TSPAN4: variants seen among roughly 807,000 people sequenced by gnomAD.
TSPAN4 encodes tetraspanin 4.
Under a neutral mutation model 31.5 loss-of-function variants are expected in TSPAN4, and 38 were observed. The ratio of observed to expected loss-of-function variants is 1.21; its 90% CI spans 0.93 to 1.58. The LOEUF is 1.58. Among genes scored for constraint, TSPAN4 ranks in the 40% most tolerant of loss-of-function variants. TSPAN4 has a pLI of 0.00. For missense variants in TSPAN4, 330 were observed against 317.3 expected (o/e 1.04, Z -0.30); for synonymous variants, 186 against 144.6 (o/e 1.29, Z -2.06).
At chr11:845,855 G>A (rs189753007) in intron 1 of TSPAN4, among the ~76,000 whole-genome samples, 150 of 152,234 alleles carry the variant, frequency 9.9e-4, no homozygotes, top group African/African-American at 3.4e-3. Context: ...GGTGTCTCCA[G>A]CCTCCAGGGC....
intron 3 of TSPAN4, among the ~76,000 whole-genome samples, chr11:851,471 C>G (rs1172290383): frequency 6.6e-6 from 1 of 152,216 alleles, no homozygotes; most frequent in Non-Finnish European, 1.5e-5. Flanking sequence ...TCCCACCTCT[C>G]CCCTCCTGAG....
At chr11:865,239 C>T (rs922245186) in intron 5 of TSPAN4, 25 of 479,258 alleles carry the variant, frequency 5.2e-5, no homozygotes, top group African/African-American at 3.3e-4. Flanking sequence ...GCACGTGTCC[C>T]GATACGTGGA....
rs750770569 is a variant in TSPAN4, at chr11:851,855, C to G, written c.63+1488C>G. On this transcript the variant is annotated intron_variant, in intron 3 of 8. Transcript: ENST00000397397. The stretch of plus-strand genomic sequence containing the variant: ...GGCAGGTCCTGGGAGGGGAAGCCCT[C>G]TCTCCTCTCCACCCTCCTCCTGTCC... Among the ~76,000 whole-genome samples the G allele has an allele frequency of 2.0e-4, 30 of 152,170 alleles. 1 individual carries two copies. Among genetic ancestry groups the G allele is most frequent in the Admixed American group, 6.5e-4 (10 of 15,306 alleles).
chr11:865,445 G>A (rs574645499), intron 5 of TSPAN4, 68 bp from the exon 6 acceptor site: 99 of 1,341,372 alleles, frequency 7.4e-5, no homozygotes, highest in Non-Finnish European at 9.0e-5. Flanking sequence ...AGGGGCCGGC[G>A]AGGGGGTCTG....
chr11:859,958 C>T (rs1471107616), intron 3 of TSPAN4, among the ~76,000 whole-genome samples: 1 of 152,190 alleles, frequency 6.6e-6, no homozygotes, highest in African/African-American at 2.4e-5. Context: ...GGTGACCCCT[C>T]TTCCTGCACC....
chr11:862,185 G>A (rs1248899529), intron 3 of TSPAN4: 4 of 231,490 alleles, frequency 1.7e-5, no homozygotes, highest in African/African-American at 2.3e-5. Context: ...CAGACCAGAC[G>A]GTGAAGCGGG....
intron 3 of TSPAN4, chr11:862,349 G>T (rs1013870343): frequency 1.8e-6 from 1 of 562,540 alleles, no homozygotes; most frequent in East Asian, 3.1e-5. Flanking sequence ...GGGATGGGGT[G>T]CCAGCCCAGG....
At chr11:849,917 G>C (rs957719071) in intron 2 of TSPAN4, 1 of 149,504 alleles carries the variant, frequency 6.7e-6, no homozygotes, top group Non-Finnish European at 1.5e-5. Context: ...CCACCGCGGG[G>C]GCCAGAGCGG....
At chr11:847,417 G>A (rs1322450273) in intron 2 of TSPAN4, 117 bp downstream of exon 2, 2 of 152,206 alleles carry the variant, frequency 1.3e-5, no homozygotes, top group Non-Finnish European at 2.9e-5. Flanking sequence ...CCACACCTGA[G>A]TATCTAATTG....
intron 1 of TSPAN4, among the ~76,000 whole-genome samples, chr11:845,785 A>G (rs1284712815): frequency 1.3e-5 from 2 of 151,710 alleles, no homozygotes; most frequent in African/African-American, 4.8e-5. Flanking sequence ...CCCAGGAGGA[A>G]AGACTGGGGG....
chr11:843,283 G>A (rs904731548), intron 1 of TSPAN4: 1 of 152,440 alleles, frequency 6.6e-6, no homozygotes, highest in East Asian at 1.9e-4. Context: ...TCCCCGCCCC[G>A]GGCTCCTGTC....
At chr11:843,209 G>A (rs1321842851) in intron 1 of TSPAN4, 4 of 152,182 alleles carry the variant, frequency 2.6e-5, no homozygotes, top group African/African-American at 9.7e-5. Flanking sequence ...CATTCTGGAC[G>A]CGGCCCAGCC....
intron 3 of TSPAN4, among the ~76,000 whole-genome samples, chr11:854,569 C>G (rs1847943560): frequency 6.6e-6 from 1 of 152,200 alleles, no homozygotes. Context: ...AGGGCCCCAG[C>G]CTGGAGGGGC....
intron 8 of TSPAN4, 136 bp downstream of exon 8, chr11:866,137 T>TC: frequency 1.1e-6 from 1 of 911,166 alleles, no homozygotes; most frequent in Non-Finnish European, 1.7e-6. Flanking sequence ...GAGGGCGAGT[T>TC]CAGGGGGATG....
chr11:843,820 C>T (rs550371406), intron 1 of TSPAN4: 2 of 128,220 alleles, frequency 1.6e-5, no homozygotes, highest in East Asian at 4.5e-4. Context: ...TGGGGTGGGA[C>T]CTGTGTTGGG....
rs150482262 is a variant in TSPAN4, at chr11:864,068, A to C, written c.256-369A>C. 5.0e-3 allele frequency: 1,501 copies of C among 297,454 alleles called. 10 individuals carry two copies. Among genetic ancestry groups the C allele is most frequent in the Middle Eastern group, 9.5e-3 (9 of 946 alleles). The allele number at this position is 297,454 out of a possible 1,614,324, so 18.4% of individuals were successfully genotyped here. A position where few individuals can be genotyped will look rare whatever the true frequency, so the allele number is the denominator to read the frequency against. ...GCACCCAGCGAGGCACCTGCCAGAC[A>C]CTCAGAGGCCCCTGGATGGAGGTGT... On this transcript the variant is annotated intron_variant, in intron 4 of 8. Transcript: ENST00000397397.
intron 3 of TSPAN4, among the ~76,000 whole-genome samples, chr11:860,365 C>T (rs1848389891): frequency 6.6e-6 from 1 of 152,240 alleles, no homozygotes; most frequent in Non-Finnish European, 1.5e-5. Context: ...CCCATCTCCC[C>T]AGCACAGCCT....
chr11:850,622 C>T (rs754693224), intron 3 of TSPAN4, among the ~76,000 whole-genome samples: 1 of 152,178 alleles, frequency 6.6e-6, no homozygotes, highest in Non-Finnish European at 1.5e-5. Flanking sequence ...CTCTCCTCTC[C>T]TCTCCTCTCC....
intron 3 of TSPAN4, chr11:858,071 T>C (rs1348919854): frequency 6.6e-6 from 1 of 152,320 alleles, no homozygotes; most frequent in Non-Finnish European, 1.5e-5. Context: ...GGGGTTCCTG[T>C]GTGCTCGGGA....
Sources: allele counts gnomAD v4.1 joint callset (sites outside exome capture counted in the v4.1 genomes callset), GRCh38; gene constraint gnomAD v4.1.1; transcripts MANE v1.5; gene names NCBI Gene and HGNC (gene_info 2026-07-23, HGNC 2026-07-21).